The following NOX4 variants were observed in gnomAD, a reference collection of about 807,000 sequenced individuals.
NOX4 encodes NADPH oxidase 4, also known as kidney oxidase-1.
A neutral mutation model predicts 87.6 loss-of-function variants in NOX4; 69 were observed. The observed-to-expected ratio is 0.79, with a 90% CI of 0.65 to 0.96. NOX4 has a LOEUF of 0.96. Ranked by LOEUF, NOX4 falls within the 40% of genes least tolerant of loss-of-function variation. The pLI, the probability that NOX4 is intolerant of heterozygous loss-of-function variation, is 0.00. For missense variants in NOX4, 680 were observed against 681.5 expected, an observed-to-expected ratio of 1.00 and a Z score of 0.02; for synonymous variants, 275 against 238.2, an observed-to-expected ratio of 1.15 and a Z score of -1.42.
rs539216758 is a variant in NOX4, at chr11:89,336,153, T to G, written c.1516-208A>C. 6.7e-5 allele frequency: 25 copies of G among 371,996 alleles called. 1 individual carries two copies. The highest frequency in any genetic ancestry group is 5.0e-4 in the African/African-American group (24 of 47,656). 23.0% of individuals were successfully genotyped at this position (371,996 alleles called of 1,614,324 possible). A position where few individuals can be genotyped will look rare whatever the true frequency, so the allele number is the denominator to read the frequency against. ...AATTCATTATCTCCTTGAATTCCAT[T>G]TGTTTGTTTTTAAACAAACAAACAA... is the stretch of plus-strand genomic sequence containing the variant. On this transcript the variant is annotated intron_variant, in intron 16 of 17. Transcript: ENST00000263317.
chr11:89,475,330 T>A (rs1358539596), intron 2 of NOX4, among the ~76,000 whole-genome samples: 1 of 151,954 alleles, frequency 6.6e-6, no homozygotes, highest in African/African-American at 2.4e-5. Context: ...ATAAGAAAAA[T>A]TATTTTTCTT....
intron 5 of NOX4, 169 bp downstream of exon 5, chr11:89,443,966 G>C (rs915600214): frequency 1.9e-5 from 11 of 583,420 alleles, no homozygotes; most frequent in African/African-American, 1.9e-4. Flanking sequence ...CTATGAAATA[G>C]TAATTACTTA....
rs1942528663 is a variant in NOX4 at position 89,412,439 on chromosome 11, A to G, written c.629+9463T>C. On this transcript the variant is annotated intron_variant, in intron 8 of 17. Transcript: ENST00000263317. Reference sequence around the variant, plus strand: ...TAACAAAAAAGTCTCAAAACATTCAAAAACTTGAAATAATATCAAGCACCT... The same window carrying G: ...TAACAAAAAAGTCTCAAAACATTCAGAAACTTGAAATAATATCAAGCACCT... Among the ~76,000 whole-genome samples the G allele has an allele frequency of 2.0e-5, 3 of 152,274 alleles. No homozygotes were observed. In the South Asian group the frequency reaches 6.2e-4, roughly 32 times the overall value.
intron 11 of NOX4, among the ~76,000 whole-genome samples, chr11:89,378,815 C>A (rs576950880): frequency 2.6e-5 from 4 of 152,260 alleles, no homozygotes; most frequent in Admixed American, 1.3e-4. Context: ...GGAGCTCATG[C>A]AATTTCACAA....
intron 13 of NOX4, among the ~76,000 whole-genome samples, chr11:89,347,100 G>A (rs919118745): frequency 2.0e-5 from 3 of 152,192 alleles, no homozygotes; most frequent in South Asian, 2.1e-4. Context: ...ATGAAAGACA[G>A]TAATTCTTTA....
chr11:89,390,362 C>A (rs1437248867), intron 11 of NOX4, among the ~76,000 whole-genome samples: 1 of 152,182 alleles, frequency 6.6e-6, no homozygotes, highest in Admixed American at 6.6e-5. Flanking sequence ...CTATAAACCA[C>A]TTCCTAAGCC....
the NOX4 span, among the ~76,000 whole-genome samples, chr11:89,584,359 T>C: frequency 6.6e-6 from 1 of 152,170 alleles, no homozygotes; most frequent in Non-Finnish European, 1.5e-5. Context: ...ATAGATATCT[T>C]TGAAGGATAT....
chr11:89,486,971 T>C (rs1456155923), intron 2 of NOX4, among the ~76,000 whole-genome samples: 1 of 152,066 alleles, frequency 6.6e-6, no homozygotes, highest in Non-Finnish European at 1.5e-5. Flanking sequence ...ATGTCACTGG[T>C]TTCTTTTTCC....
intron 7 of NOX4, among the ~76,000 whole-genome samples, chr11:89,426,768 C>T (rs754307802): frequency 3.9e-4 from 59 of 152,152 alleles, no homozygotes; most frequent in Non-Finnish European, 5.9e-4. Context: ...ATGAGGACTG[C>T]CTGCCTCTGT....
chr11:89,382,430 T>C (rs1217476092), intron 11 of NOX4, among the ~76,000 whole-genome samples: 2 of 151,470 alleles, frequency 1.3e-5, no homozygotes, highest in Admixed American at 1.3e-4. Flanking sequence ...ATAATTTTTG[T>C]CGTAAAATGG....
At chr11:89,401,955 A>C (rs1486113010) in intron 9 of NOX4, among the ~76,000 whole-genome samples, 2 of 152,074 alleles carry the variant, frequency 1.3e-5, no homozygotes, top group African/African-American at 2.4e-5. Context: ...ATAATAATAT[A>C]ATACAATAAA....
At chr11:89,385,292 T>C (rs1384572198) in intron 11 of NOX4, among the ~76,000 whole-genome samples, 1 of 151,856 alleles carries the variant, frequency 6.6e-6, no homozygotes, top group African/African-American at 2.4e-5. Flanking sequence ...GAAGCTGGAG[T>C]CATTCACTGC....
intron 8 of NOX4, 141 bp from the exon 9 acceptor site, chr11:89,402,683 A>G (rs1941947474): frequency 2.9e-6 from 2 of 700,000 alleles, no homozygotes; most frequent in African/African-American, 3.6e-5. Flanking sequence ...TTCCTTATGT[A>G]TTATGTTTAG....
chr11:89,413,527 C>T (rs746642783), intron 8 of NOX4, among the ~76,000 whole-genome samples: 17 of 152,034 alleles, frequency 1.1e-4, no homozygotes, highest in Non-Finnish European at 1.9e-4. Flanking sequence ...TTTTCAACGA[C>T]GTGGGTGGAA....
chr11:89,429,740 A>G, intron 7 of NOX4, among the ~76,000 whole-genome samples: 1 of 149,064 alleles, frequency 6.7e-6, no homozygotes, highest in African/African-American at 2.6e-5. Flanking sequence ...CCAAAAAAGG[A>G]CCAGATGGAT....
At chr11:89,396,663 G>A (rs546720650) in intron 11 of NOX4, among the ~76,000 whole-genome samples, 63 of 152,196 alleles carry the variant, frequency 4.1e-4, no homozygotes, top group African/African-American at 1.5e-3. Flanking sequence ...AGCAGGGATT[G>A]CAATCCTAGT....
chr11:89,469,007 G>A (rs1388846610), intron 2 of NOX4, among the ~76,000 whole-genome samples: 1 of 152,170 alleles, frequency 6.6e-6, no homozygotes, highest in Non-Finnish European at 1.5e-5. Context: ...TAGTATTACA[G>A]GAGTGAGCCA....
chr11:89,500,164 C>G (rs1404623118), upstream of NOX4, among the ~76,000 whole-genome samples: 1 of 152,046 alleles, frequency 6.6e-6, no homozygotes, highest in Non-Finnish European at 1.5e-5. Context: ...AATCTTGCAT[C>G]TTAGGGTTCT....
Position 89,426,687 on chromosome 11 carries a change from C to A in NOX4, c.549-4705G>T, listed in dbSNP as rs192677739. ...GCAAGGCTTGGGGAGGGGCGCCCAC[C>A]ATTGCTGAAGCTTGAGTAGGTAAAC... On this transcript the variant is annotated intron_variant, in intron 7 of 17. Coordinates refer to ENST00000263317, the MANE Select transcript of NOX4 (RefSeq NM_016931.5). 3.3e-5 allele frequency among the ~76,000 whole-genome samples: 5 copies of A among 152,250 alleles called. No homozygotes were observed. In the East Asian group the frequency reaches 9.7e-4, roughly 30 times the overall value.
Sources: gnomAD v4.1 joint callset for allele counts (sites outside exome capture counted in the v4.1 genomes callset) on GRCh38, gnomAD v4.1.1 for gene constraint, MANE v1.5 for transcripts, NCBI Gene and HGNC (gene_info 2026-07-23, HGNC 2026-07-21) for gene names.